The following CRB1 variants were observed in gnomAD, a reference collection of about 807,000 sequenced individuals.
The protein encoded by CRB1 is protein crumbs homolog 1.
A neutral mutation model predicts 120.0 loss-of-function variants in CRB1; 83 were observed. The observed-to-expected ratio is 0.69, with a 90% CI of 0.58 to 0.83. CRB1 has a LOEUF of 0.83. Ranked by LOEUF, CRB1 falls within the 40% of genes least tolerant of loss-of-function variation. The pLI, the probability that CRB1 is intolerant of heterozygous loss-of-function variation, is 0.00. For synonymous variants in CRB1, 625 were observed against 612.5 expected (o/e 1.02, Z -0.30); for missense variants, 1,699 against 1,687.6 (o/e 1.01, Z -0.12).
chr1:197,382,689 A>G (rs575503978), intron 5 of CRB1, among the ~76,000 whole-genome samples: 30 of 152,350 alleles, frequency 2.0e-4, no homozygotes, highest in African/African-American at 6.0e-4. Flanking sequence ...AAAATCAGAC[A>G]CATATAGGTA....
At chr1:197,467,923 G>A (rs1332644372) in intron 11 of CRB1, among the ~76,000 whole-genome samples, 2 of 152,114 alleles carry the variant, frequency 1.3e-5, no homozygotes, top group Non-Finnish European at 2.9e-5. Context: ...AGGAAATCAG[G>A]TTTCTTGACA....
intron 4 of CRB1, among the ~76,000 whole-genome samples, chr1:197,354,404 C>T (rs1284060241): frequency 6.6e-6 from 1 of 152,142 alleles, no homozygotes; most frequent in Non-Finnish European, 1.5e-5. Context: ...CAGACCCTCG[C>T]AGTGAGTGTT....
At chr1:197,450,442 T>C (rs1054295480) in intron 11 of CRB1, among the ~76,000 whole-genome samples, 3 of 152,148 alleles carry the variant, frequency 2.0e-5, no homozygotes, top group African/African-American at 4.8e-5. Context: ...TATTGTGTGA[T>C]GCGTGATGCT....
intron 10 of CRB1, chr1:197,441,633 TTCCTCC>T (rs935518867): frequency 2.0e-5 from 3 of 149,762 alleles, no homozygotes; most frequent in African/African-American, 4.9e-5. Context: ...ACCTCTCCTC[TTCCTCC>T]TCCTCCTCCT....
chr1:197,423,145 C>T (rs1312445080), intron 6 of CRB1, among the ~76,000 whole-genome samples: 1 of 152,116 alleles, frequency 6.6e-6, no homozygotes. Context: ...ATTTTTACTA[C>T]ATATACAAAA....
chr1:197,245,064 T>A, the CRB1 span, among the ~76,000 whole-genome samples: 1 of 152,046 alleles, frequency 6.6e-6, no homozygotes, highest in African/African-American at 2.4e-5. Flanking sequence ...ATACTTTCTA[T>A]TTCTTTTTTT....
At chr1:197,245,919 C>T in the CRB1 span, among the ~76,000 whole-genome samples, 2 of 152,076 alleles carry the variant, frequency 1.3e-5, no homozygotes, top group African/African-American at 4.8e-5. Context: ...TCCCATGTGC[C>T]TTCCACTGCC....
At chr1:197,229,078 G>C in the CRB1 span, among the ~76,000 whole-genome samples, 1 of 152,156 alleles carries the variant, frequency 6.6e-6, no homozygotes, top group Non-Finnish European at 1.5e-5. Context: ...TGGAGACACA[G>C]AGGCAAACCG....
chr1:197,253,535 G>A, the CRB1 span, among the ~76,000 whole-genome samples: 1 of 151,842 alleles, frequency 6.6e-6, no homozygotes. Flanking sequence ...CCCCAAACCT[G>A]GTATGTATTT....
chr1:197,391,792 A>G (rs1225829449), intron 5 of CRB1, among the ~76,000 whole-genome samples: 1 of 152,110 alleles, frequency 6.6e-6, no homozygotes, highest in East Asian at 1.9e-4. Flanking sequence ...GAAGGAAAAA[A>G]TAAGAATTCA....
chr1:197,268,430 T>G lies in CRB1; in HGVS notation c.18T>G (p.Ile6Met). The change falls in exon 1 of 12, where the codon ATT becomes ATG. Residue 6 changes from isoleucine (I) to methionine (M), a missense_variant. Transcript: ENST00000367400. Reference protein sequence around the residue: MALKNINYLLIFYLSF... With the variant: MALKNMNYLLIFYLSF... ...ATAAGACCATGGCACTTAAGAACAT[T>G]AACTACCTTCTCATCTTCTACCTCA... The G allele has an allele frequency of 6.2e-7, 1 of 1,612,686 alleles. No homozygotes were observed. The highest frequency in any genetic ancestry group is 8.5e-7 in the Non-Finnish European group (1 of 1,178,776).
chr1:197,420,296 T>A (rs1299150446), intron 5 of CRB1, among the ~76,000 whole-genome samples: 8 of 152,198 alleles, frequency 5.3e-5, no homozygotes, highest in Admixed American at 3.3e-4. Context: ...TTACTTTTTT[T>A]AAATGAATTC....
At chr1:197,393,593 A>G (rs185111273) in intron 5 of CRB1, among the ~76,000 whole-genome samples, 104 of 152,226 alleles carry the variant, frequency 6.8e-4, no homozygotes, top group Non-Finnish European at 1.0e-3. Flanking sequence ...TTATTTTACT[A>G]GAAAAGGTAT....
At chr1:197,310,236 C>T (rs1322078163) in intron 1 of CRB1, among the ~76,000 whole-genome samples, 2 of 152,134 alleles carry the variant, frequency 1.3e-5, no homozygotes, top group Non-Finnish European at 2.9e-5. Flanking sequence ...CTCTCTTTCC[C>T]TCCTCAAGGA....
At chr1:197,459,505 C>A (rs1320106547) in intron 11 of CRB1, among the ~76,000 whole-genome samples, 1 of 152,126 alleles carries the variant, frequency 6.6e-6, no homozygotes, top group Non-Finnish European at 1.5e-5. Context: ...TCTCTTCTCT[C>A]TGTGTCCTCA....
chr1:197,332,285 T>C (rs1658905550), intron 2 of CRB1, among the ~76,000 whole-genome samples: 1 of 152,228 alleles, frequency 6.6e-6, no homozygotes, highest in Non-Finnish European at 1.5e-5. Flanking sequence ...CACATCCCTG[T>C]AGGGTCCAAT....
At chr1:197,269,940 G>GT (rs1413891740) in intron 1 of CRB1, among the ~76,000 whole-genome samples, 1 of 151,806 alleles carries the variant, frequency 6.6e-6, no homozygotes, top group African/African-American at 2.4e-5. Flanking sequence ...ATTTTTATTC[G>GT]TTTAAAAAAG....
At chr1:197,409,637 G>C (rs1386875936) in intron 5 of CRB1, among the ~76,000 whole-genome samples, 1 of 152,122 alleles carries the variant, frequency 6.6e-6, no homozygotes, top group African/African-American at 2.4e-5. Context: ...GGCAGACTGA[G>C]TACCAACCAC....
At chr1:197,303,354 T>G (rs1656987946) in intron 1 of CRB1, among the ~76,000 whole-genome samples, 1 of 140,616 alleles carries the variant, frequency 7.1e-6, no homozygotes, top group Non-Finnish European at 1.5e-5. Flanking sequence ...CATTGTTCAA[T>G]TCCCACCTAT....
Sources: allele counts gnomAD v4.1 joint callset (sites outside exome capture counted in the v4.1 genomes callset), GRCh38; gene constraint gnomAD v4.1.1; transcripts MANE v1.5; gene names NCBI Gene and HGNC (gene_info 2026-07-23, HGNC 2026-07-21).